Variants in PTHLH observed in about 807,000 individuals in gnomAD.
PTHLH encodes parathyroid hormone-related protein.
A neutral mutation model predicts 18.6 loss-of-function variants in PTHLH; 5 were observed. That is an observed-to-expected ratio of 0.27 (90% CI 0.14 to 0.56). PTHLH has a LOEUF of 0.56. Among genes scored for constraint, PTHLH ranks in the 20% least tolerant of loss-of-function variants. The probability of loss-of-function intolerance (pLI) is 0.92; values close to 1 mark genes in which losing one functional copy is unlikely to be tolerated. For missense variants in PTHLH, 207 were observed against 223.9 expected, an observed-to-expected ratio of 0.92 and a Z score of 0.48; for synonymous variants, 90 against 94.0, an observed-to-expected ratio of 0.96 and a Z score of 0.25.
At chr12:27,967,717 A>G (rs2062828307) in intron 4 of PTHLH, among the ~76,000 whole-genome samples, 1 of 152,248 alleles carries the variant, frequency 6.6e-6, no homozygotes, top group African/African-American at 2.4e-5. Context: ...TAGTTTTATA[A>G]CCATCTGCTG....
intron 2 of PTHLH, among the ~76,000 whole-genome samples, chr12:27,971,333 G>T (rs1452672877): frequency 1.3e-5 from 2 of 152,162 alleles, no homozygotes; most frequent in Admixed American, 6.5e-5. Context: ...TTACTGGGTA[G>T]TATCATCTAG....
chr12:27,963,922 T>TA lies in PTHLH; in HGVS notation c.102-153dup. The TA allele has an allele frequency of 3.9e-6, 3 of 761,556 alleles. No homozygotes were observed. The South Asian group carries it at 5.4e-5, about 14-fold the overall frequency. 47.2% of individuals were successfully genotyped at this position (761,556 alleles called of 1,614,324 possible). A position where few individuals can be genotyped will look rare whatever the true frequency, so the allele number is the denominator to read the frequency against. The stretch of plus-strand genomic sequence containing the variant: ...AGCAAGCTCATTGCGCAGGGAAGGG[T>TA]AACCAGTGGGAAGGAAAGAGCTGGC... On this transcript the variant is annotated intron_variant, in intron 4 of 5. Coordinates refer to ENST00000545234, the MANE Select transcript of PTHLH (RefSeq NM_198965.2).
At chr12:27,971,006 G>C (rs1457641751) in intron 2 of PTHLH, among the ~76,000 whole-genome samples, 3 of 152,012 alleles carry the variant, frequency 2.0e-5, no homozygotes. Flanking sequence ...ATCTGGAGCC[G>C]GTCCCAAAAA....
In PTHLH at chr12:27,958,278, C is replaced by T. The variant is rs1259624912; in HGVS notation, c.*281G>A. ...TGTATATCTAAAGTGCATTATGTTA[C>T]AAAAAATATAGAAATTCAGCAGCAC... is the stretch of plus-strand genomic sequence containing the variant. On this transcript the variant is annotated 3_prime_UTR_variant, in exon 6 of 6. Coordinates refer to ENST00000545234, the MANE Select transcript of PTHLH (RefSeq NM_198965.2). 1.8e-5 allele frequency: 5 copies of T among 284,324 alleles called. No homozygotes were observed. Among genetic ancestry groups the T allele is most frequent in the Non-Finnish European group, 3.2e-5 (5 of 154,734 alleles). The allele number at this position is 284,324 out of a possible 1,614,324, so 17.6% of individuals were successfully genotyped here.
At chr12:27,964,044 T>A (rs935437791) in intron 4 of PTHLH, among the ~76,000 whole-genome samples, 2 of 152,166 alleles carry the variant, frequency 1.3e-5, no homozygotes, top group Non-Finnish European at 2.9e-5. Context: ...GGGCTTCAAC[T>A]GTATAAAAGG....
At position 27,968,807 on chromosome 12, in the gene PTHLH, C is replaced by T. The variant is rs575988047; in HGVS notation, c.101+587G>A. Among the ~76,000 whole-genome samples, 12 of 152,328 alleles carry T rather than the reference C, an allele frequency of 7.9e-5. No homozygotes were observed. In the South Asian group the frequency reaches 2.5e-3, roughly 32 times the overall value. The stretch of plus-strand genomic sequence containing the variant: ...TTCATTTTGGAATCAAGCGCTCTAG[C>T]GTTCCTGAACTGTATCAATACTAAC... On this transcript the variant is annotated intron_variant, in intron 4 of 5. Transcript: ENST00000545234.
intron 5 of PTHLH, among the ~76,000 whole-genome samples, chr12:27,959,949 GAAT>G (rs1253986658): frequency 2.6e-5 from 4 of 152,100 alleles, no homozygotes; most frequent in Non-Finnish European, 1.5e-5. Flanking sequence ...TTGAGTATAA[GAAT>G]AACACAAAGA....
intron 5 of PTHLH, chr12:27,962,989 T>C: frequency 1.7e-6 from 2 of 1,160,556 alleles, no homozygotes; most frequent in Non-Finnish European, 2.1e-6. Flanking sequence ...TGCCCAGGTG[T>C]GAGAGTAAGG....
chr12:27,960,249 T>C (rs1177837300), intron 5 of PTHLH, among the ~76,000 whole-genome samples: 1 of 152,234 alleles, frequency 6.6e-6, no homozygotes, highest in Non-Finnish European at 1.5e-5. Flanking sequence ...TATAAATCAG[T>C]ATTTTCCAAG....
At chr12:27,969,648 A>G (rs1380928711) in intron 3 of PTHLH, 132 bp from the exon 4 acceptor site, 1 of 879,980 alleles carries the variant, frequency 1.1e-6, no homozygotes. Context: ...GTTGAAAAGA[A>G]AAAAAATTTC....
chr12:27,970,129 G>A lies in PTHLH; in HGVS notation c.-127C>T. 1 of 518,842 alleles carries A rather than the reference G, an allele frequency of 1.9e-6. No homozygotes were observed. The highest frequency in any genetic ancestry group is 1.4e-5 in the South Asian group (1 of 71,614). 32.1% of individuals were successfully genotyped at this position (518,842 alleles called of 1,614,324 possible). A position where few individuals can be genotyped will look rare whatever the true frequency, so the allele number is the denominator to read the frequency against. On this transcript the variant is annotated 5_prime_UTR_variant, in exon 3 of 6. Coordinates refer to ENST00000545234, the MANE Select transcript of PTHLH (RefSeq NM_198965.2). ...TCAGGAGGGCCAGGTGGCGGCGAGG[G>A]CGGGTCGTTAGTGGCAGCCGGAGCG...
At chr12:27,969,323 A>G in intron 4 of PTHLH, 71 bp downstream of exon 4, 1 of 1,415,640 alleles carries the variant, frequency 7.1e-7, no homozygotes, top group African/African-American at 1.4e-5. Context: ...AGCCCTCGGC[A>G]GCATCCCAGC....
rs557666068 is a variant in PTHLH, at chr12:27,964,091, C to T, written c.102-321G>A. On this transcript the variant is annotated intron_variant, in intron 4 of 5. Coordinates refer to ENST00000545234, the MANE Select transcript of PTHLH (RefSeq NM_198965.2). Reference sequence around the variant, plus strand: ...GACAGTGATTTCTATACTTCCTTCCCGGTTTAAAACATATGATTCAGTTAT... The same window carrying T: ...GACAGTGATTTCTATACTTCCTTCCTGGTTTAAAACATATGATTCAGTTAT... Among the ~76,000 whole-genome samples, 21 of 152,194 alleles carry T rather than the reference C, an allele frequency of 1.4e-4. No individual in the cohort carries two copies. The South Asian group carries it at 3.7e-3, about 27-fold the overall frequency.
intron 5 of PTHLH, among the ~76,000 whole-genome samples, chr12:27,959,225 G>A (rs2062735110): frequency 2.0e-5 from 3 of 152,156 alleles, no homozygotes; most frequent in Admixed American, 6.5e-5. Flanking sequence ...TTTTGTAGTA[G>A]TTTTCAAAGC....
At chr12:27,970,931 A>G (rs914868862) in intron 2 of PTHLH, among the ~76,000 whole-genome samples, 4 of 152,180 alleles carry the variant, frequency 2.6e-5, no homozygotes, top group African/African-American at 9.7e-5. Flanking sequence ...GCTTAGAAGA[A>G]CAAAAACAGT....
At chr12:27,964,953 C>G (rs1591849632) in intron 4 of PTHLH, among the ~76,000 whole-genome samples, 1 of 152,228 alleles carries the variant, frequency 6.6e-6, no homozygotes, top group Admixed American at 6.5e-5. Flanking sequence ...GTCCTCCAAA[C>G]TGGCCCATCC....
In PTHLH at chr12:27,964,453, C is replaced by T. The variant is rs568415990; in HGVS notation, c.102-683G>A. Reference sequence around the variant, plus strand: ...TAGACTACTGGCTACCAAGAACATACATTTGAAGGCCAATCGTCAGAGAGA... The same window carrying T: ...TAGACTACTGGCTACCAAGAACATATATTTGAAGGCCAATCGTCAGAGAGA... On this transcript the variant is annotated intron_variant, in intron 4 of 5. Coordinates refer to ENST00000545234, the MANE Select transcript of PTHLH (RefSeq NM_198965.2). 2.0e-5 allele frequency among the ~76,000 whole-genome samples: 3 copies of T among 150,006 alleles called. No homozygotes were observed. The East Asian group carries it at 5.9e-4, about 30-fold the overall frequency.
At position 27,963,489 on chromosome 12, in the gene PTHLH, CCTTT is replaced by C; in HGVS notation, c.379_382del (p.Lys127AlafsTer21). 6.2e-7 allele frequency: 1 copy of C among 1,614,088 alleles called. No homozygotes were observed. The highest frequency in any genetic ancestry group is 8.5e-7 in the Non-Finnish European group (1 of 1,180,016). On this transcript the variant is annotated frameshift_variant, in exon 5 of 6. Transcript: ENST00000545234. LOFTEE classifies it high-confidence loss of function. ...CTGCTCCTTGCGTTTCCCGGGCTTGCCTTTCTTTTTCTTCCCAGGTGTCTTGAGC... is the reference window on the plus strand; with the variant it reads ...CTGCTCCTTGCGTTTCCCGGGCTTGCCTTTTTCTTCCCAGGTGTCTTGAGC...
At chr12:27,967,557 A>G (rs1298615930) in intron 4 of PTHLH, among the ~76,000 whole-genome samples, 1 of 152,250 alleles carries the variant, frequency 6.6e-6, no homozygotes, top group East Asian at 1.9e-4. Flanking sequence ...CTTGGCAGCA[A>G]GACAAAAATA....
Sources: gnomAD v4.1 joint callset for allele counts (sites outside exome capture counted in the v4.1 genomes callset) on GRCh38, gnomAD v4.1.1 for gene constraint, MANE v1.5 for transcripts, NCBI Gene and HGNC (gene_info 2026-07-23, HGNC 2026-07-21) for gene names.